GALNT13: variants seen among roughly 807,000 people sequenced by gnomAD.
GALNT13 encodes polypeptide N-acetylgalactosaminyltransferase 13, also known as UDP-GalNAc:polypeptide N-acetylgalactosaminyltransferase 13.
Under a neutral mutation model 64.2 loss-of-function variants are expected in GALNT13, and 28 were observed. That is an observed-to-expected ratio of 0.44 (90% CI 0.32 to 0.60). The LOEUF (loss-of-function observed/expected upper bound fraction) is 0.60. Ranked by LOEUF, GALNT13 falls within the 20% of genes least tolerant of loss-of-function variation. The pLI, the probability that GALNT13 is intolerant of heterozygous loss-of-function variation, is 0.05. For missense variants in GALNT13, 577 were observed against 669.8 expected (o/e 0.86, Z 1.53); for synonymous variants, 214 against 224.6 (o/e 0.95, Z 0.42).
the GALNT13 span, among the ~76,000 whole-genome samples, chr2:153,824,573 A>G: frequency 6.6e-6 from 1 of 152,172 alleles, no homozygotes; most frequent in East Asian, 1.9e-4. Flanking sequence ...TCGATAGAGT[A>G]AACATTGAGA....
chr2:153,643,599 C>G, the GALNT13 span, among the ~76,000 whole-genome samples: 1 of 151,608 alleles, frequency 6.6e-6, no homozygotes, highest in South Asian at 2.1e-4. Flanking sequence ...AAAAAAGTAA[C>G]AGTCTAAGAA....
chr2:153,883,739 A>T (rs1020336884), intron 1 of GALNT13, among the ~76,000 whole-genome samples: 5 of 152,172 alleles, frequency 3.3e-5, no homozygotes, highest in African/African-American at 1.2e-4. Context: ...ATTTAAAAAG[A>T]CAAAAAATGT....
the GALNT13 span, among the ~76,000 whole-genome samples, chr2:153,225,283 T>A: frequency 1.3e-5 from 2 of 152,242 alleles, no homozygotes; most frequent in Non-Finnish European, 2.9e-5. Flanking sequence ...AAAACTGATT[T>A]ATGATTTAAA....
chr2:153,932,024 T>C (rs566765662), intron 2 of GALNT13, among the ~76,000 whole-genome samples: 5 of 152,152 alleles, frequency 3.3e-5, no homozygotes, highest in African/African-American at 9.6e-5. Flanking sequence ...TTATTACTTA[T>C]TCAGTTTTGG....
chr2:154,194,808 C>A (rs1203794777), intron 4 of GALNT13, among the ~76,000 whole-genome samples: 1 of 150,296 alleles, frequency 6.7e-6, no homozygotes, highest in Admixed American at 6.6e-5. Flanking sequence ...CCTAAAGCTG[C>A]AAAGTTTATA....
chr2:153,428,809 G>A, the GALNT13 span, among the ~76,000 whole-genome samples: 1 of 152,146 alleles, frequency 6.6e-6, no homozygotes, highest in Non-Finnish European at 1.5e-5. Flanking sequence ...TGTTTGTAAA[G>A]GGGAAGTATG....
At chr2:154,417,300 A>C (rs1700054562) in intron 11 of GALNT13, among the ~76,000 whole-genome samples, 1 of 151,000 alleles carries the variant, frequency 6.6e-6, no homozygotes, top group Admixed American at 6.6e-5. Context: ...AAAAAAAAAA[A>C]AAACCTGAAA....
chr2:153,787,417 G>A, the GALNT13 span, among the ~76,000 whole-genome samples: 4 of 152,152 alleles, frequency 2.6e-5, no homozygotes, highest in Admixed American at 6.5e-5. Flanking sequence ...TCAGTCCTGT[G>A]AAGATTCAGA....
At chr2:153,804,611 A>T in the GALNT13 span, among the ~76,000 whole-genome samples, 3 of 152,192 alleles carry the variant, frequency 2.0e-5, no homozygotes, top group South Asian at 2.1e-4. Flanking sequence ...AGTGAAAAGG[A>T]AGAGTGCATT....
At chr2:153,399,311 G>A in the GALNT13 span, among the ~76,000 whole-genome samples, 1 of 152,212 alleles carries the variant, frequency 6.6e-6, no homozygotes, top group Non-Finnish European at 1.5e-5. Context: ...GTACCACGCT[G>A]TTTTGGTTAC....
intron 4 of GALNT13, among the ~76,000 whole-genome samples, chr2:154,160,005 GGAA>G (rs1684641286): frequency 6.6e-6 from 1 of 152,092 alleles, no homozygotes; most frequent in African/African-American, 2.4e-5. Flanking sequence ...GGGAACTGAG[GGAA>G]GAAGAGATAC....
the GALNT13 span, among the ~76,000 whole-genome samples, chr2:153,428,650 A>G: frequency 2.6e-5 from 4 of 152,166 alleles, no homozygotes; most frequent in Non-Finnish European, 4.4e-5. Context: ...TAATTACTAG[A>G]GAAAGGAATT....
chr2:153,295,066 C>G, the GALNT13 span, among the ~76,000 whole-genome samples: 1 of 152,186 alleles, frequency 6.6e-6, no homozygotes, highest in South Asian at 2.1e-4. Context: ...AGGTGAAGCC[C>G]GCCTCTTTGA....
chr2:154,347,641 CTT>C (rs1274254005), intron 9 of GALNT13, among the ~76,000 whole-genome samples: 4 of 152,210 alleles, frequency 2.6e-5, no homozygotes, highest in African/African-American at 9.6e-5. Context: ...AATGTTTGGT[CTT>C]TTCAATTCTG....
At chr2:153,601,081 G>A in the GALNT13 span, among the ~76,000 whole-genome samples, 1 of 151,736 alleles carries the variant, frequency 6.6e-6, no homozygotes, top group Non-Finnish European at 1.5e-5. Flanking sequence ...ACCAAAGATG[G>A]TGGTGGTTAA....
At chr2:154,076,096 G>A (rs1044766023) in intron 3 of GALNT13, among the ~76,000 whole-genome samples, 1 of 151,566 alleles carries the variant, frequency 6.6e-6, no homozygotes, top group African/African-American at 2.4e-5. Context: ...GCCAACAGCA[G>A]CTCTGCTCTC....
chr2:154,023,016 T>C (rs1169633530), intron 3 of GALNT13, among the ~76,000 whole-genome samples: 1 of 152,218 alleles, frequency 6.6e-6, no homozygotes, highest in Non-Finnish European at 1.5e-5. Flanking sequence ...TTGAGTGAGT[T>C]TCTTAATCTT....
At chr2:153,859,119 G>A in the GALNT13 span, among the ~76,000 whole-genome samples, 1 of 152,208 alleles carries the variant, frequency 6.6e-6, no homozygotes, top group Non-Finnish European at 1.5e-5. Flanking sequence ...TCTTCCCTGG[G>A]AAGAGGGTGT....
At chr2:153,805,406 T>C in the GALNT13 span, among the ~76,000 whole-genome samples, 3 of 152,112 alleles carry the variant, frequency 2.0e-5, no homozygotes, top group African/African-American at 4.8e-5. Flanking sequence ...AAAGTTGATT[T>C]TCAAATATAA....
Sources: gnomAD v4.1 joint callset for allele counts (sites outside exome capture counted in the v4.1 genomes callset) on GRCh38, gnomAD v4.1.1 for gene constraint, MANE v1.5 for transcripts, NCBI Gene and HGNC (gene_info 2026-07-23, HGNC 2026-07-21) for gene names.